IGF1: variants seen among roughly 807,000 people sequenced by gnomAD.
The protein encoded by IGF1 is insulin like growth factor 1.
A neutral mutation model predicts 13.8 loss-of-function variants in IGF1; 4 were observed. The observed-to-expected ratio is 0.29, with a 90% CI of 0.14 to 0.66. IGF1 has a LOEUF of 0.66. Among genes scored for constraint, IGF1 ranks in the 30% least tolerant of loss-of-function variants. IGF1 has a pLI of 0.78. For missense variants in IGF1, 124 were observed against 188.5 expected (o/e 0.66, Z 2.00); for synonymous variants, 76 against 72.6 (o/e 1.05, Z -0.23).
At chr12:102,476,792 C>T (rs916272800) in intron 1 of IGF1, among the ~76,000 whole-genome samples, 2 of 152,202 alleles carry the variant, frequency 1.3e-5, no homozygotes, top group Non-Finnish European at 2.9e-5. Context: ...GATAGACTGC[C>T]AAACGGCAGC....
At chr12:102,465,980 TAAATAAAG>T (rs1264859441) in intron 2 of IGF1, among the ~76,000 whole-genome samples, 10 of 108,614 alleles carry the variant, frequency 9.2e-5, no homozygotes, top group African/African-American at 2.4e-4. Flanking sequence ...AATAAATAAA[TAAATAAAG>T]ATAACCAACT....
rs1873667270 is a variant in IGF1 at position 102,401,378 on chromosome 12, GT to G, written c.*1128del. The G allele has an allele frequency of 1.3e-5, 2 of 152,564 alleles. No homozygotes were observed. The highest frequency in any genetic ancestry group is 2.9e-5 in the Non-Finnish European group (2 of 68,052). 9.5% of individuals were successfully genotyped at this position (152,564 alleles called of 1,614,324 possible). A position where few individuals can be genotyped will look rare whatever the true frequency, so the allele number is the denominator to read the frequency against. On this transcript the variant is annotated 3_prime_UTR_variant, in exon 4 of 4. Transcript: ENST00000337514. ...AGCCTTCTGCTTTTTCCATTCCACA[GT>G]TTCCTCTCTGGACTCGCCAGTCCAA...
At chr12:102,411,493 A>G (rs915966448) in intron 3 of IGF1, among the ~76,000 whole-genome samples, 1 of 152,238 alleles carries the variant, frequency 6.6e-6, no homozygotes, top group Admixed American at 6.5e-5. Flanking sequence ...GAATGTTTAT[A>G]CATTGTACCC....
chr12:102,437,608 A>G (rs1341275791), intron 2 of IGF1, among the ~76,000 whole-genome samples: 3 of 152,234 alleles, frequency 2.0e-5, no homozygotes, highest in Non-Finnish European at 4.4e-5. Context: ...AGTGGTCACT[A>G]GAGGCTGCGG....
At chr12:102,465,232 T>G (rs1235432946) in intron 2 of IGF1, among the ~76,000 whole-genome samples, 2 of 152,248 alleles carry the variant, frequency 1.3e-5, no homozygotes, top group Non-Finnish European at 2.9e-5. Context: ...GGCATTGATC[T>G]AATTTGTGAG....
At chr12:102,445,832 C>T (rs1190772031) in intron 2 of IGF1, among the ~76,000 whole-genome samples, 3 of 152,098 alleles carry the variant, frequency 2.0e-5, no homozygotes, top group Non-Finnish European at 1.5e-5. Context: ...GGAGTGCTTC[C>T]AGCTTTTGCC....
intron 2 of IGF1, among the ~76,000 whole-genome samples, chr12:102,441,118 C>CT: frequency 6.6e-6 from 1 of 152,318 alleles, no homozygotes; most frequent in Non-Finnish European, 1.5e-5. Context: ...ACCCTAGTGA[C>CT]TCATGGGAAT....
intron 2 of IGF1, among the ~76,000 whole-genome samples, chr12:102,431,281 C>T (rs1266652168): frequency 6.6e-6 from 1 of 152,210 alleles, no homozygotes; most frequent in Non-Finnish European, 1.5e-5. Flanking sequence ...TTAGAGGATA[C>T]TAATTAGCTA....
At chr12:102,410,027 T>C (rs1874497870) in intron 3 of IGF1, among the ~76,000 whole-genome samples, 1 of 152,198 alleles carries the variant, frequency 6.6e-6, no homozygotes, top group Non-Finnish European at 1.5e-5. Flanking sequence ...CTCTGTTTTC[T>C]AGTGACTGGG....
intron 3 of IGF1, among the ~76,000 whole-genome samples, chr12:102,413,861 A>G (rs949532924): frequency 4.6e-5 from 7 of 152,138 alleles, no homozygotes; most frequent in Non-Finnish European, 1.0e-4. Context: ...CAAGCTACCT[A>G]TTTAAGTTGG....
chr12:102,441,915 C>CCTCTTCTT (rs1877798660), intron 2 of IGF1, among the ~76,000 whole-genome samples: 1 of 122,140 alleles, frequency 8.2e-6, no homozygotes, highest in African/African-American at 3.1e-5. Flanking sequence ...TGCTTCTTCT[C>CCTCTTCTT]CTTCTTCTTC....
At chr12:102,441,939 T>TCTTCTTCTTCTTCTTCTTCTC (rs1877838610) in intron 2 of IGF1, among the ~76,000 whole-genome samples, 1 of 136,782 alleles carries the variant, frequency 7.3e-6, no homozygotes, top group African/African-American at 2.7e-5. Flanking sequence ...TTCTTCTTCT[T>TCTTCTTCTTCTTCTTCTTCTC]CTTCTTCTTC....
Position 102,434,293 on chromosome 12 carries a change from T to TC in IGF1, c.221-14604dup, listed in dbSNP as rs1270534246. On this transcript the variant is annotated intron_variant, in intron 2 of 3. Transcript: ENST00000337514. ...TAGGTATATCTCCCAATGCTATCCCTCCCCCCTCCCCCCACCCCACAACAG... is the reference window on the plus strand; with the variant it reads ...TAGGTATATCTCCCAATGCTATCCCTCCCCCCCTCCCCCCACCCCACAACAG... Among the ~76,000 whole-genome samples the TC allele has an allele frequency of 1.0e-3, 98 of 94,150 alleles. 1 individual carries two copies. The highest frequency in any genetic ancestry group is 3.6e-3 in the African/African-American group (86 of 23,746). The allele number at this position is 94,150 out of a possible 152,430, so 61.8% of individuals were successfully genotyped here. A position where few individuals can be genotyped will look rare whatever the true frequency, so the allele number is the denominator to read the frequency against.
At chr12:102,454,421 G>A (rs1473452188) in intron 2 of IGF1, among the ~76,000 whole-genome samples, 1 of 152,186 alleles carries the variant, frequency 6.6e-6, no homozygotes, top group African/African-American at 2.4e-5. Flanking sequence ...CATGGGGAAG[G>A]AAAGATTCAT....
chr12:102,472,183 C>A (rs1183741147), intron 2 of IGF1, among the ~76,000 whole-genome samples: 2 of 152,132 alleles, frequency 1.3e-5, no homozygotes, highest in Admixed American at 1.3e-4. Flanking sequence ...GAGTAATTAG[C>A]TCTTCATTGG....
At chr12:102,472,756 A>G (rs1486162947) in intron 2 of IGF1, among the ~76,000 whole-genome samples, 1 of 152,168 alleles carries the variant, frequency 6.6e-6, no homozygotes, top group Non-Finnish European at 1.5e-5. Flanking sequence ...AAACTGAATG[A>G]AATTTGTTGA....
chr12:102,479,082 A>G lies in IGF1; in HGVS notation c.63+1237T>C, dbSNP rs187704626. ...GTAATTAATGCAGAGATAACGCTCC[A>G]CAGCCTCTTTTATGATCCCCTAAGT... On this transcript the variant is annotated intron_variant, in intron 1 of 3. Transcript: ENST00000337514. Among the ~76,000 whole-genome samples the G allele has an allele frequency of 1.2e-3, 190 of 152,338 alleles. 1 individual carries two copies. Among genetic ancestry groups the G allele is most frequent in the African/African-American group, 4.4e-3 (182 of 41,578 alleles).
At chr12:102,456,648 T>A (rs531248136) in intron 2 of IGF1, among the ~76,000 whole-genome samples, 1 of 152,316 alleles carries the variant, frequency 6.6e-6, no homozygotes, top group East Asian at 1.9e-4. Flanking sequence ...ACAGCCTTGA[T>A]CATTTCTGCT....
chr12:102,475,517 CAG>C (rs1880960871), intron 2 of IGF1, 124 bp downstream of exon 2: 6 of 1,098,354 alleles, frequency 5.5e-6, no homozygotes, highest in Non-Finnish European at 8.2e-6. Context: ...TGAGGAATCT[CAG>C]AGGCCTAGGA....
Sources: gnomAD v4.1 joint callset for allele counts (sites outside exome capture counted in the v4.1 genomes callset) on GRCh38, gnomAD v4.1.1 for gene constraint, MANE v1.5 for transcripts, NCBI Gene and HGNC (gene_info 2026-07-23, HGNC 2026-07-21) for gene names.